The following USH2A variants were observed in gnomAD, a reference collection of about 807,000 sequenced individuals.
USH2A encodes usherin, also known as Usher syndrome 2A (autosomal recessive, mild).
A neutral mutation model predicts 538.9 loss-of-function variants in USH2A; 443 were observed. The observed-to-expected ratio is 0.82, with a 90% confidence interval of 0.76 to 0.89. USH2A has a LOEUF of 0.89. Among genes scored for constraint, USH2A ranks in the 40% least tolerant of loss-of-function variants. The probability of loss-of-function intolerance (pLI) is 0.00; values close to 1 mark genes in which losing one functional copy is unlikely to be tolerated. For missense variants in USH2A, 6,633 were observed against 6,324.8 expected (o/e 1.05, Z -1.65); for synonymous variants, 2,413 against 2,273.5 (o/e 1.06, Z -1.75).
chr1:216,257,872 A>G (rs1302503395), intron 11 of USH2A, among the ~76,000 whole-genome samples: 1 of 151,974 alleles, frequency 6.6e-6, no homozygotes, highest in Non-Finnish European at 1.5e-5. Context: ...TTCATTCCAT[A>G]CAGTGTAGGT....
chr1:216,181,910 A>G (rs1358356378), intron 20 of USH2A, among the ~76,000 whole-genome samples: 1 of 152,070 alleles, frequency 6.6e-6, no homozygotes, highest in Admixed American at 6.6e-5. Context: ...GTGTGACACA[A>G]TTTATTATTT....
rs898389329 is a variant in USH2A at position 216,073,393 on chromosome 1, G to A, written c.5573-93C>T. On this transcript the variant is annotated intron_variant, in intron 27 of 71. Transcript: ENST00000307340. Reference sequence around the variant, plus strand: ...CTCTGCAGCACTACATTTTGAGGAAGGGGGGTGGTTAGATACAATTGCTAG... The same window carrying A: ...CTCTGCAGCACTACATTTTGAGGAAAGGGGGTGGTTAGATACAATTGCTAG... 3 of 1,359,646 alleles carry A rather than the reference G, an allele frequency of 2.2e-6. No homozygotes were observed. The South Asian group carries it at 3.7e-5, about 17-fold the overall frequency. 84.2% of individuals were successfully genotyped at this position (1,359,646 alleles called of 1,614,324 possible).
Position 216,058,412 on chromosome 1 carries a change from T to C in USH2A, c.6050-9765A>G, listed in dbSNP as rs780493731. Among the ~76,000 whole-genome samples, 125 of 149,264 alleles carry C rather than the reference T, an allele frequency of 8.4e-4. 7 individuals are homozygous for C. The highest frequency in any genetic ancestry group is 3.9e-4 in the Non-Finnish European group (26 of 67,402). On this transcript the variant is annotated intron_variant, in intron 30 of 71. Transcript: ENST00000307340. ...TAGTGTTATAAAAATCATGTTACAA[T>C]GATAGGGCCTAGCACTAGCATGGAA...
intron 4 of USH2A, among the ~76,000 whole-genome samples, chr1:216,352,811 A>T (rs2038312050): frequency 6.6e-6 from 1 of 152,180 alleles, no homozygotes; most frequent in Admixed American, 6.6e-5. Context: ...GGAAATCTAT[A>T]GAAGCTCTTT....
At chr1:215,810,538 T>G (rs1206907434) in intron 49 of USH2A, among the ~76,000 whole-genome samples, 2 of 152,128 alleles carry the variant, frequency 1.3e-5, no homozygotes. Flanking sequence ...AAAATTTTAA[T>G]GTGATGTGGA....
chr1:215,626,000 TG>T (rs1656011257), intron 71 of USH2A, 130 bp from the exon 72 acceptor site: 2 of 891,558 alleles, frequency 2.2e-6, no homozygotes, highest in Admixed American at 4.1e-5. Flanking sequence ...AACACCATGG[TG>T]GGGTCTAAAA....
chr1:216,110,162 G>T (rs1395688087), intron 21 of USH2A, among the ~76,000 whole-genome samples: 1 of 151,974 alleles, frequency 6.6e-6, no homozygotes, highest in Non-Finnish European at 1.5e-5. Context: ...AGTATCATAT[G>T]ATGTTAAAAA....
intron 15 of USH2A, among the ~76,000 whole-genome samples, chr1:216,215,619 T>A (rs1316578449): frequency 6.6e-6 from 1 of 152,134 alleles, no homozygotes; most frequent in East Asian, 1.9e-4. Flanking sequence ...CCTCTGCTGA[T>A]GCTGAGCTTC....
At chr1:216,304,673 C>A (rs1248781355) in intron 9 of USH2A, among the ~76,000 whole-genome samples, 1 of 151,980 alleles carries the variant, frequency 6.6e-6, no homozygotes, top group Non-Finnish European at 1.5e-5. Flanking sequence ...CCTGTTAGCA[C>A]CACCTTTGCT....
At chr1:215,887,525 T>G (rs937459277) in intron 41 of USH2A, among the ~76,000 whole-genome samples, 7 of 152,216 alleles carry the variant, frequency 4.6e-5, no homozygotes. Context: ...ATACACATAT[T>G]TATATCAAAA....
rs774221596 is a variant in USH2A, at chr1:215,728,263, A to C, written c.11833T>G (p.Cys3945Gly). The C allele has an allele frequency of 1.2e-6, 2 of 1,614,154 alleles. No individual in the cohort carries two copies. The highest frequency in any genetic ancestry group is 2.7e-5 in the African/African-American group (2 of 75,040). The change falls in exon 61 of 72, where the codon TGT becomes GGT. Residue 3945 changes from cysteine to glycine, a missense_variant. Coordinates refer to ENST00000307340, the MANE Select transcript of USH2A (RefSeq NM_206933.4). ...FTLYEYRVRA[C>G]NSKGSVESLW... ...CTCTCCACTGAACCCTTGGAGTTAC[A>C]GGCTCTGACCCGATATTCGTAGAGT...
intron 38 of USH2A, among the ~76,000 whole-genome samples, chr1:215,929,467 G>A (rs1285123073): frequency 2.0e-5 from 3 of 152,008 alleles, no homozygotes; most frequent in Non-Finnish European, 4.4e-5. Context: ...ATGTCAACAT[G>A]TTAAGGGGTA....
At chr1:216,264,257 C>A (rs904863022) in intron 11 of USH2A, among the ~76,000 whole-genome samples, 1 of 151,912 alleles carries the variant, frequency 6.6e-6, no homozygotes, top group Non-Finnish European at 1.5e-5. Context: ...AGAAAAAATT[C>A]TTTAAATTCC....
At chr1:216,081,549 G>C (rs939766119) in intron 26 of USH2A, among the ~76,000 whole-genome samples, 7 of 152,010 alleles carry the variant, frequency 4.6e-5, no homozygotes, top group African/African-American at 1.4e-4. Context: ...AGAAAGCCAA[G>C]CACATAATAG....
intron 27 of USH2A, among the ~76,000 whole-genome samples, chr1:216,075,508 G>A (rs900300100): frequency 6.6e-6 from 1 of 152,128 alleles, no homozygotes; most frequent in African/African-American, 2.4e-5. Flanking sequence ...ATGCCTAAAA[G>A]GCGGCCCAGA....
At chr1:216,343,461 G>A (rs1469006922) in intron 4 of USH2A, among the ~76,000 whole-genome samples, 1 of 147,694 alleles carries the variant, frequency 6.8e-6, no homozygotes, top group African/African-American at 2.5e-5. Flanking sequence ...GATTACTTGA[G>A]ACTGCACTAG....
At chr1:216,408,829 G>A (rs1028048555) in intron 3 of USH2A, among the ~76,000 whole-genome samples, 1 of 152,140 alleles carries the variant, frequency 6.6e-6, no homozygotes, top group African/African-American at 2.4e-5. Context: ...TGACTGAAGG[G>A]CTAGGAGCAT....
chr1:216,355,354 AGAAAGAAAGAAAGAAAGAAAGAAG>A (rs1183683019), intron 4 of USH2A, among the ~76,000 whole-genome samples: 1 of 148,942 alleles, frequency 6.7e-6, no homozygotes, highest in Non-Finnish European at 1.5e-5. Context: ...AAAGAAAGAA[AGAAAGAAAGAAAGAAAGAAAGAAG>A]GAAAGAAACA....
At chr1:216,211,740 A>G (rs2035245712) in intron 15 of USH2A, among the ~76,000 whole-genome samples, 1 of 152,242 alleles carries the variant, frequency 6.6e-6, no homozygotes, top group South Asian at 2.1e-4. Context: ...ACATGAGAAA[A>G]GAATTATTTC....
Sources: allele counts gnomAD v4.1 joint callset (sites outside exome capture counted in the v4.1 genomes callset), GRCh38; gene constraint gnomAD v4.1.1; transcripts MANE v1.5; gene names NCBI Gene and HGNC (gene_info 2026-07-23, HGNC 2026-07-21).